The following CELF4 variants were observed in gnomAD, a reference collection of about 807,000 sequenced individuals.
CELF4 encodes the protein CUGBP Elav-like family member 4.
Under a neutral mutation model 59.9 loss-of-function variants are expected in CELF4, and 18 were observed. The ratio of observed to expected loss-of-function variants is 0.30; its 90% CI spans 0.21 to 0.45. The LOEUF is 0.45. Ranked by LOEUF, CELF4 falls within the 20% of genes least tolerant of loss-of-function variation. The probability of loss-of-function intolerance (pLI) is 1.00; values close to 1 mark genes in which losing one functional copy is unlikely to be tolerated. For synonymous variants in CELF4, 261 were observed against 267.1 expected, an observed-to-expected ratio of 0.98 and a Z score of 0.22; for missense variants, 456 against 689.0, an observed-to-expected ratio of 0.66 and a Z score of 3.79.
At chr18:37,503,014 A>G (rs751497840) in intron 1 of CELF4, among the ~76,000 whole-genome samples, 1 of 152,208 alleles carries the variant, frequency 6.6e-6, no homozygotes, top group Non-Finnish European at 1.5e-5. Context: ...TGGGTGCATC[A>G]TCACACATCT....
intron 2 of CELF4, among the ~76,000 whole-genome samples, chr18:37,357,708 G>A (rs2098620656): frequency 6.6e-6 from 1 of 152,210 alleles, no homozygotes; most frequent in African/African-American, 2.4e-5. Flanking sequence ...CAGCTGGAAG[G>A]GAGGCTGTAC....
At chr18:37,530,258 G>A (rs1271280299) in intron 1 of CELF4, among the ~76,000 whole-genome samples, 3 of 152,196 alleles carry the variant, frequency 2.0e-5, no homozygotes, top group Non-Finnish European at 4.4e-5. Context: ...CTTTTGCAAT[G>A]ATTGTGTCCA....
At chr18:37,365,776 G>A (rs780210216) in intron 2 of CELF4, among the ~76,000 whole-genome samples, 8 of 152,036 alleles carry the variant, frequency 5.3e-5, no homozygotes, top group East Asian at 3.9e-4. Flanking sequence ...GTGAACCACC[G>A]CACCCGGCCT....
At chr18:37,264,535 G>A (rs2076474359) in intron 10 of CELF4, 139 bp downstream of exon 10, 5 of 698,392 alleles carry the variant, frequency 7.2e-6, no homozygotes, top group South Asian at 6.9e-5. Context: ...CAGCACTGCT[G>A]TCTTCCCTTG....
intron 7 of CELF4, among the ~76,000 whole-genome samples, chr18:37,271,553 G>C (rs898805355): frequency 4.6e-5 from 7 of 152,146 alleles, no homozygotes; most frequent in African/African-American, 9.7e-5. Context: ...ACCGTACCTG[G>C]CCTTCCTTAA....
intron 1 of CELF4, among the ~76,000 whole-genome samples, chr18:37,557,053 C>T (rs529753544): frequency 6.6e-6 from 1 of 152,282 alleles, no homozygotes; most frequent in East Asian, 1.9e-4. Flanking sequence ...TGGTTCAATA[C>T]AGCATCATCT....
intron 2 of CELF4, among the ~76,000 whole-genome samples, chr18:37,458,233 T>C (rs923858990): frequency 6.6e-6 from 1 of 152,144 alleles, no homozygotes; most frequent in Non-Finnish European, 1.5e-5. Flanking sequence ...AGGGCTCTGC[T>C]TTTTCTCTGC....
chr18:37,353,755 G>T (rs1361066314), intron 2 of CELF4, among the ~76,000 whole-genome samples: 1 of 140,430 alleles, frequency 7.1e-6, no homozygotes, highest in African/African-American at 2.6e-5. Flanking sequence ...GGGGCGGGGG[G>T]GGCAGTTCTT....
At chr18:37,508,844 C>T (rs939552706) in intron 1 of CELF4, among the ~76,000 whole-genome samples, 2 of 152,210 alleles carry the variant, frequency 1.3e-5, no homozygotes, top group African/African-American at 2.4e-5. Context: ...TAACTGTGCA[C>T]GTGCTGACAC....
chr18:37,324,359 T>G (rs968480261), intron 2 of CELF4, among the ~76,000 whole-genome samples: 2 of 152,070 alleles, frequency 1.3e-5, no homozygotes, highest in African/African-American at 4.8e-5. Context: ...ATGATTGATG[T>G]CCTCACAAGA....
intron 1 of CELF4, among the ~76,000 whole-genome samples, chr18:37,549,067 G>A (rs959272359): frequency 8.5e-5 from 13 of 152,182 alleles, no homozygotes; most frequent in East Asian, 1.9e-4. Context: ...GGGGCCAGTC[G>A]CTCCCAGAGC....
At chr18:37,279,492 C>T (rs2093845368) in intron 3 of CELF4, among the ~76,000 whole-genome samples, 1 of 152,214 alleles carries the variant, frequency 6.6e-6, no homozygotes, top group Non-Finnish European at 1.5e-5. Flanking sequence ...CTCACGGGTT[C>T]CTCCTGGTCA....
chr18:37,434,485 CAG>C (rs375933549), intron 2 of CELF4, among the ~76,000 whole-genome samples: 11 of 152,312 alleles, frequency 7.2e-5, no homozygotes, highest in African/African-American at 2.2e-4. Flanking sequence ...CTGTCTAAAA[CAG>C]GGGGCTGTGC....
chr18:37,362,000 C>G (rs1454424706), intron 2 of CELF4, among the ~76,000 whole-genome samples: 1 of 152,110 alleles, frequency 6.6e-6, no homozygotes, highest in Non-Finnish European at 1.5e-5. Context: ...AGCGGACGGT[C>G]AGAGGAGCCC....
At chr18:37,299,515 C>T (rs1459459330) in intron 3 of CELF4, among the ~76,000 whole-genome samples, 2 of 152,040 alleles carry the variant, frequency 1.3e-5, no homozygotes, top group African/African-American at 2.4e-5. Flanking sequence ...ATGTCGGGCT[C>T]ACAGGGACAA....
At chr18:37,298,724 CAA>C (rs5824047) in intron 3 of CELF4, among the ~76,000 whole-genome samples, 83 of 124,252 alleles carry the variant, frequency 6.7e-4, no homozygotes, top group Admixed American at 9.8e-4. Flanking sequence ...GACTCTATCT[CAA>C]AAAAAAAAAA....
chr18:37,423,062 G>GCACACACA (rs143795424), intron 2 of CELF4, among the ~76,000 whole-genome samples: 9 of 27,630 alleles, frequency 3.3e-4, no homozygotes, highest in Non-Finnish European at 1.2e-3. Flanking sequence ...ATGCGCGCGC[G>GCACACACA]CGCACACACA....
intron 3 of CELF4, among the ~76,000 whole-genome samples, chr18:37,313,374 T>C (rs2154494942): frequency 6.6e-6 from 1 of 152,336 alleles, no homozygotes; most frequent in African/African-American, 2.4e-5. Context: ...ACCCAGATGC[T>C]TTTGTCCAGT....
chr18:37,253,668 G>A lies in CELF4; in HGVS notation c.*44+99C>T, dbSNP rs971149019. On this transcript the variant is annotated intron_variant, in intron 12 of 12. Coordinates refer to ENST00000420428, the MANE Select transcript of CELF4 (RefSeq NM_020180.4). This position sits in a 1 kb window ranked among gnomAD's most constrained non-coding sequence, Gnocchi z 4.5. ...TTGAGCCGGGCGCAGCGGGTCCAAG[G>A]CACCAGTGAGGGTCCGGCCCACGGA... The A allele has an allele frequency of 3.0e-5, 27 of 889,250 alleles. No individual in the cohort carries two copies. Among genetic ancestry groups the A allele is most frequent in the Non-Finnish European group, 4.0e-5 (25 of 622,844 alleles). The allele number at this position is 889,250 out of a possible 1,614,324, so 55.1% of individuals were successfully genotyped here. A position where few individuals can be genotyped will look rare whatever the true frequency, so the allele number is the denominator to read the frequency against.
Sources: gnomAD v4.1 joint callset for allele counts (sites outside exome capture counted in the v4.1 genomes callset) on GRCh38, gnomAD v4.1.1 for gene constraint, Gnocchi (gnomAD v3.1) non-coding constraint, MANE v1.5 for transcripts, NCBI Gene and HGNC (gene_info 2026-07-23, HGNC 2026-07-21) for gene names.